Variants in RBPJ observed in about 807,000 individuals in gnomAD.
RBPJ encodes recombining binding protein suppressor of hairless.
In RBPJ, 9 loss-of-function variants were observed where a neutral mutation model predicts 67.8. The observed-to-expected ratio is 0.13, with a 90% CI of 0.08 to 0.23. The LOEUF is 0.23. RBPJ is among the 10% of genes least tolerant of loss of function. The probability of loss-of-function intolerance (pLI) is 1.00; values close to 1 mark genes in which losing one functional copy is unlikely to be tolerated. For missense variants in RBPJ, 305 were observed against 595.6 expected (o/e 0.51, Z 5.08); for synonymous variants, 198 against 203.3 (o/e 0.97, Z 0.22).
At chr4:26,406,403 T>G in intron 3 of RBPJ, 133 bp downstream of exon 3, 3 of 614,296 alleles carry the variant, frequency 4.9e-6, no homozygotes, top group Non-Finnish European at 8.8e-6. Flanking sequence ...AAATAGGGGA[T>G]TTGTCTCCTG....
chr4:26,237,151 C>G (rs955192860), intron 1 of RBPJ, among the ~76,000 whole-genome samples: 3 of 152,230 alleles, frequency 2.0e-5, no homozygotes, highest in African/African-American at 7.2e-5. Context: ...CTGGGAAGCA[C>G]CTGGAGAACC....
chr4:26,382,114 T>G (rs1399119175), intron 1 of RBPJ, among the ~76,000 whole-genome samples: 2 of 152,206 alleles, frequency 1.3e-5, no homozygotes, highest in Admixed American at 1.3e-4. Flanking sequence ...CTATACATGA[T>G]TGGTCCAACT....
chr4:26,111,109 C>T, the RBPJ span, among the ~76,000 whole-genome samples: 1 of 152,174 alleles, frequency 6.6e-6, no homozygotes, highest in Non-Finnish European at 1.5e-5. Flanking sequence ...CCAGAAGTCA[C>T]ATCCAAGGGG....
chr4:26,317,860 G>A (rs766139801), upstream of RBPJ, among the ~76,000 whole-genome samples: 19 of 152,090 alleles, frequency 1.2e-4, no homozygotes, highest in Non-Finnish European at 2.5e-4. Context: ...AGGGGGAGCT[G>A]TTATTCCCTT....
At chr4:26,216,284 C>G (rs552257363) in intron 1 of RBPJ, among the ~76,000 whole-genome samples, 1 of 152,212 alleles carries the variant, frequency 6.6e-6, no homozygotes, top group South Asian at 2.1e-4. Flanking sequence ...TTCCCAGGGA[C>G]TAGAAGAACA....
At chr4:26,262,895 G>T (rs530148835) in intron 1 of RBPJ, among the ~76,000 whole-genome samples, 2 of 152,066 alleles carry the variant, frequency 1.3e-5, no homozygotes, top group Non-Finnish European at 2.9e-5. Context: ...AATCCATCAG[G>T]CTTCCCAGAG....
intron 1 of RBPJ, among the ~76,000 whole-genome samples, chr4:26,285,710 A>G (rs1442351945): frequency 2.0e-5 from 3 of 148,580 alleles, no homozygotes; most frequent in Non-Finnish European, 3.0e-5. Flanking sequence ...AAAGTGGCAC[A>G]TTATCAAATG....
At chr4:26,339,588 C>T (rs900227203) in intron 1 of RBPJ, among the ~76,000 whole-genome samples, 7 of 152,132 alleles carry the variant, frequency 4.6e-5, no homozygotes, top group East Asian at 3.8e-4. Flanking sequence ...GAGCTGAGAT[C>T]GTGCCACTGC....
In RBPJ at chr4:26,293,449, C is replaced by T. The variant is rs1196031427; in HGVS notation, c.-166-68997C>T. ...AGGAGTTCAAGGGCAGCCTGGGCAACATAGTGAGATCCTGTCCTCACAAAA... is the reference window on the plus strand; with the variant it reads ...AGGAGTTCAAGGGCAGCCTGGGCAATATAGTGAGATCCTGTCCTCACAAAA... On this transcript the variant is annotated intron_variant, in intron 1 of 4. Transcript: ENST00000512351. 2.0e-5 allele frequency among the ~76,000 whole-genome samples: 3 copies of T among 149,796 alleles called. 1 individual carries two copies. Among genetic ancestry groups the T allele is most frequent in the East Asian group, 4.0e-4 (2 of 4,998 alleles).
intron 1 of RBPJ, among the ~76,000 whole-genome samples, chr4:26,301,294 A>T (rs1013756465): frequency 5.3e-5 from 8 of 152,116 alleles, no homozygotes; most frequent in Non-Finnish European, 1.2e-4. Flanking sequence ...TCTGGGTCCA[A>T]ATAAAAAAAC....
intron 3 of RBPJ, among the ~76,000 whole-genome samples, chr4:26,407,402 A>T (rs1011320635): frequency 6.6e-6 from 1 of 152,238 alleles, no homozygotes; most frequent in South Asian, 2.1e-4. Flanking sequence ...GAAATTACCT[A>T]TAAAGTAGAT....
chr4:26,415,558 C>T lies in RBPJ; in HGVS notation c.239C>T (p.Ser80Phe), dbSNP rs1367973245. The change falls in exon 4 of 11, where the codon TCT becomes TTT. Residue 80 changes from serine to phenylalanine, a missense_variant. Ser to Phe is a radical substitution (Grantham distance 155). Around this residue, in one of 7 missense-constraint regions of RBPJ, gnomAD observed 79 missense variants for 106.2 expected, o/e 0.74. Transcript: ENST00000355476. ...KKEQMERDGC[S>F]EQESQPCAFI... ...GAACAAATGGAACGCGATGGTTGTT[C>T]TGAACAAGAGTCTCAACCGTGTGCA... 1.2e-6 allele frequency: 2 copies of T among 1,612,512 alleles called. No individual in the cohort carries two copies. Among genetic ancestry groups the T allele is most frequent in the Non-Finnish European group, 1.7e-6 (2 of 1,179,372 alleles).
At chr4:26,404,884 G>A (rs1452390782) in intron 2 of RBPJ, among the ~76,000 whole-genome samples, 5 of 152,082 alleles carry the variant, frequency 3.3e-5, no homozygotes, top group Non-Finnish European at 7.4e-5. Flanking sequence ...ACTTTTCCCA[G>A]CATGTAGTCC....
rs980122539 is a variant in RBPJ at position 26,424,846 on chromosome 4, C to T, written c.747+103C>T. 3.0e-6 allele frequency: 2 copies of T among 675,652 alleles called. No homozygotes were observed. The highest frequency in any genetic ancestry group is 5.1e-6 in the Non-Finnish European group (2 of 388,984). 41.9% of individuals were successfully genotyped at this position (675,652 alleles called of 1,614,324 possible). On this transcript the variant is annotated intron_variant, in intron 7 of 10. Coordinates refer to ENST00000355476, the MANE Select transcript of RBPJ (RefSeq NM_015874.6). The surrounding 1 kb of genome is among the most constrained non-coding windows in gnomAD (Gnocchi z 5.3). ...TGGAAAAACACACCTCAGTTTTATGCTTTTTAATTTTAAAAGGTATGTTAG... is the reference window on the plus strand; with the variant it reads ...TGGAAAAACACACCTCAGTTTTATGTTTTTTAATTTTAAAAGGTATGTTAG...
At chr4:26,121,173 A>C in the RBPJ span, among the ~76,000 whole-genome samples, 1 of 152,192 alleles carries the variant, frequency 6.6e-6, no homozygotes, top group Admixed American at 6.5e-5. Context: ...CACCTGATGC[A>C]TCAAGCTCCC....
Position 26,430,249 on chromosome 4 carries a change from A to C in RBPJ, c.1045-170A>C. The stretch of plus-strand genomic sequence containing the variant: ...CGTACTTGCCAGAAAATTTAAATGT[A>C]AATAAACTTGTATGTTATCTTGAAA... On this transcript the variant is annotated intron_variant, in intron 9 of 10. Transcript: ENST00000355476. This position sits in a 1 kb window ranked among gnomAD's most constrained non-coding sequence, Gnocchi z 4.1. 1.2e-6 allele frequency: 1 copy of C among 856,138 alleles called. No individual in the cohort carries two copies. Among genetic ancestry groups the C allele is most frequent in the South Asian group, 1.7e-5 (1 of 59,866 alleles). The allele number at this position is 856,138 out of a possible 1,614,324, so 53.0% of individuals were successfully genotyped here. A position where few individuals can be genotyped will look rare whatever the true frequency, so the allele number is the denominator to read the frequency against.
chr4:26,360,278 C>A (rs1350985123), intron 1 of RBPJ, among the ~76,000 whole-genome samples: 1 of 152,140 alleles, frequency 6.6e-6, no homozygotes, highest in Non-Finnish European at 1.5e-5. Context: ...CCTGGAAAAG[C>A]CATTCCTAAA....
chr4:26,239,070 A>C (rs1719547595), intron 1 of RBPJ, among the ~76,000 whole-genome samples: 1 of 152,048 alleles, frequency 6.6e-6, no homozygotes. Context: ...ACCCCCACAC[A>C]CACCACCAAA....
At chr4:26,320,648 C>T, upstream of RBPJ, 4 of 1,364,502 alleles carry the variant, frequency 2.9e-6, no homozygotes, top group Non-Finnish European at 3.9e-6. Flanking sequence ...GGCCCCGCCT[C>T]CTGACCCCTC....
Sources: gnomAD v4.1 joint callset for allele counts (sites outside exome capture counted in the v4.1 genomes callset) on GRCh38, gnomAD v4.1.1 for gene constraint, gnomAD v4.1.1 regional missense constraint, Gnocchi (gnomAD v3.1) non-coding constraint, MANE v1.5 for transcripts, NCBI Gene and HGNC (gene_info 2026-07-23, HGNC 2026-07-21) for gene names.